The following ARHGAP39 variants were observed in gnomAD, a reference collection of about 807,000 sequenced individuals.
ARHGAP39 encodes rho GTPase-activating protein 39.
Under a neutral mutation model 106.9 loss-of-function variants are expected in ARHGAP39, and 44 were observed. The observed-to-expected ratio is 0.41, with a 90% confidence interval of 0.32 to 0.53. ARHGAP39 has a LOEUF of 0.53. Among genes scored for constraint, ARHGAP39 ranks in the 20% least tolerant of loss-of-function variants. The pLI is 0.21. For synonymous variants in ARHGAP39, 768 were observed against 693.2 expected (o/e 1.11, Z -1.69); for missense variants, 1,496 against 1,577.3 (o/e 0.95, Z 0.87).
chr8:144,661,106 C>A (rs1424357815), intron 1 of ARHGAP39, among the ~76,000 whole-genome samples: 1 of 152,174 alleles, frequency 6.6e-6, no homozygotes, highest in Non-Finnish European at 1.5e-5. Context: ...GCAGACGGCC[C>A]TCTCAGCACC....
intron 3 of ARHGAP39, among the ~76,000 whole-genome samples, chr8:144,573,278 T>TA (rs1422253477): frequency 6.6e-6 from 1 of 152,044 alleles, no homozygotes; most frequent in East Asian, 1.9e-4. Flanking sequence ...TATGCAGCCA[T>TA]AAAAAGGATG....
rs758539647 is a variant in ARHGAP39 at position 144,671,958 on chromosome 8, C to T, written c.-82+13728G>A. On this transcript the variant is annotated intron_variant, in intron 1 of 11. Transcript: ENST00000377307. This position sits in a 1 kb window ranked among gnomAD's most constrained non-coding sequence, Gnocchi z 4.5. ...CTGCCAGAGCAATGGAGACAGGCTC[C>T]GCCCAAGTGAGGCTCATCCTGGGCC... 1.6e-4 allele frequency among the ~76,000 whole-genome samples: 25 copies of T among 152,228 alleles called. No homozygotes were observed. Among genetic ancestry groups the T allele is most frequent in the Non-Finnish European group, 2.9e-4 (20 of 68,042 alleles).
At chr8:144,561,262 A>G (rs1818135850) in intron 3 of ARHGAP39, among the ~76,000 whole-genome samples, 1 of 133,936 alleles carries the variant, frequency 7.5e-6, no homozygotes, top group African/African-American at 4.0e-5. Context: ...TGTCCATCAG[A>G]CCCCAGTGGT....
chr8:144,542,811 C>A (rs1048507581), intron 6 of ARHGAP39, among the ~76,000 whole-genome samples: 1 of 151,948 alleles, frequency 6.6e-6, no homozygotes, highest in Non-Finnish European at 1.5e-5. Context: ...TGGTGGCGCG[C>A]ACCTGTGGTC....
intron 3 of ARHGAP39, among the ~76,000 whole-genome samples, chr8:144,556,223 T>G (rs1817912609): frequency 7.1e-6 from 1 of 140,890 alleles, no homozygotes; most frequent in Admixed American, 7.8e-5. Flanking sequence ...AGGCGGAGCG[T>G]GCAGTGAGCC....
chr8:144,602,122 T>C (rs571862152), intron 2 of ARHGAP39, among the ~76,000 whole-genome samples: 2 of 140,230 alleles, frequency 1.4e-5, no homozygotes, highest in Admixed American at 1.4e-4. Flanking sequence ...TGCATGTGCA[T>C]GGAGGTGTGT....
upstream of ARHGAP39, among the ~76,000 whole-genome samples, chr8:144,690,480 T>C (rs916223512): frequency 6.6e-6 from 1 of 151,946 alleles, no homozygotes; most frequent in African/African-American, 2.4e-5. Flanking sequence ...TGTTAATTTC[T>C]GTTTTTTTTT....
intron 4 of ARHGAP39, among the ~76,000 whole-genome samples, chr8:144,552,783 C>T (rs1370962794): frequency 1.3e-5 from 2 of 152,006 alleles, no homozygotes; most frequent in East Asian, 3.8e-4. Context: ...AGCTCCCTGG[C>T]TTTTGTTTAT....
rs954274267 is a variant in ARHGAP39, at chr8:144,684,186, C to A, written c.-82+1500G>T. On this transcript the variant is annotated intron_variant, in intron 1 of 11. Coordinates refer to ENST00000377307, the MANE Select transcript of ARHGAP39 (RefSeq NM_025251.3). The surrounding 1 kb of genome is among the most constrained non-coding windows in gnomAD (Gnocchi z 4.4). ...GCTACACCAAGTGCAGGGAGCGAGG[C>A]GCCACCCCCATTCATTCACTCCAAG... 6.6e-6 allele frequency among the ~76,000 whole-genome samples: 1 copy of A among 152,220 alleles called. No homozygotes were observed. Among genetic ancestry groups the A allele is most frequent in the Non-Finnish European group, 1.5e-5 (1 of 68,038 alleles).
At chr8:144,603,671 C>T (rs1586606071) in intron 2 of ARHGAP39, among the ~76,000 whole-genome samples, 1 of 121,004 alleles carries the variant, frequency 8.3e-6, no homozygotes, top group African/African-American at 3.3e-5. Flanking sequence ...GCCTGGGCGA[C>T]AAAGCGAGAC....
chr8:144,621,810 GA>G lies in ARHGAP39; in HGVS notation c.-81-16116del, dbSNP rs149266430. ...TCTGCAGCCTGGGCGACAGGAGTGA[GA>G]CCCTGTCTCAGAAATAAAATAAAAC... is the stretch of plus-strand genomic sequence containing the variant. On this transcript the variant is annotated intron_variant, in intron 1 of 11. Transcript: ENST00000377307. 1.3e-3 allele frequency among the ~76,000 whole-genome samples: 202 copies of G among 152,272 alleles called. 4 individuals carry two copies. The East Asian group carries it at 0.033, about 25-fold the overall frequency.
intron 3 of ARHGAP39, among the ~76,000 whole-genome samples, chr8:144,578,886 C>T (rs936660736): frequency 2.0e-5 from 3 of 151,270 alleles, no homozygotes; most frequent in East Asian, 2.0e-4. Context: ...CAACAAAAAC[C>T]TTTGTTTTTC....
Position 144,530,562 on chromosome 8 carries a change from C to G in ARHGAP39, c.3205G>C (p.Ala1069Pro). 1 of 1,611,914 alleles carries G rather than the reference C, an allele frequency of 6.2e-7. No individual in the cohort carries two copies. The highest frequency in any genetic ancestry group is 1.1e-5 in the South Asian group (1 of 90,950). The change falls in exon 12 of 12, where the codon GCC becomes CCC. Residue 1069 changes from alanine (A) to proline (P), a missense_variant. By Grantham distance (27) the Ala-to-Pro change is conservative. Around this residue, in one of 4 missense-constraint regions of ARHGAP39, gnomAD observed 470 missense variants for 605.1 expected, o/e 0.78. Transcript: ENST00000377307. ...AVTKMDVSNL[A>P]MVMAPNCLRC... ...AAGCAGTTGGGCGCCATCACCATGG[C>G]CAGGTTGCTGACATCCATCTTGGTG...
In ARHGAP39 at chr8:144,545,643, G is replaced by C. The variant is rs200159632; in HGVS notation, c.2127C>G (p.Leu709=). ...TGGCGATGGACACCTTCCGCCGGAA[G>C]AGGCCCTGCGTGTGCTTGTTGAAGT... is the stretch of plus-strand genomic sequence containing the variant. ...SKHFNKHTQG[L]FRRKVSIANM... The change falls in exon 6 of 12, where the codon CTC becomes CTG. Residue 709 remains leucine, a synonymous_variant. Coordinates refer to ENST00000377307, the MANE Select transcript of ARHGAP39 (RefSeq NM_025251.3). The C allele has an allele frequency of 3.2e-5, 52 of 1,613,698 alleles. 1 individual carries two copies. The East Asian group carries it at 1.2e-3, about 36-fold the overall frequency.
intron 1 of ARHGAP39, among the ~76,000 whole-genome samples, chr8:144,615,422 C>T (rs567093617): frequency 2.8e-4 from 43 of 152,246 alleles, no homozygotes; most frequent in Non-Finnish European, 3.4e-4. Context: ...CTCAGCTCCC[C>T]GAGACACAAC....
intron 1 of ARHGAP39, among the ~76,000 whole-genome samples, chr8:144,632,057 T>A (rs1821075196): frequency 6.6e-6 from 1 of 152,174 alleles, no homozygotes; most frequent in Admixed American, 6.5e-5. Context: ...CCCTCCTGGG[T>A]CTGCCAGGAC....
chr8:144,612,979 G>C (rs117780522), intron 1 of ARHGAP39, among the ~76,000 whole-genome samples: 1 of 152,252 alleles, frequency 6.6e-6, no homozygotes, highest in Non-Finnish European at 1.5e-5. Flanking sequence ...TTTGGATTAA[G>C]TATTTTATGT....
At chr8:144,621,509 G>A (rs1341479825) in intron 1 of ARHGAP39, among the ~76,000 whole-genome samples, 1 of 152,230 alleles carries the variant, frequency 6.6e-6, no homozygotes, top group Non-Finnish European at 1.5e-5. Flanking sequence ...TGGGGGGCAG[G>A]GCCTGGCAGG....
rs78641110 is a variant in ARHGAP39 at position 144,605,243 on chromosome 8, C to T, written c.80+292G>A. On this transcript the variant is annotated intron_variant, in intron 2 of 11. Coordinates refer to ENST00000377307, the MANE Select transcript of ARHGAP39 (RefSeq NM_025251.3). ...GCCACTGCACTGCAGCCTGGACAAC[C>T]GAGTGAGACCCTGTCTCCTCAAGAA... 3.0e-4 allele frequency among the ~76,000 whole-genome samples: 46 copies of T among 152,202 alleles called. No individual in the cohort carries two copies. In the East Asian group the frequency reaches 7.9e-3, roughly 26 times the overall value.
Sources: gnomAD v4.1 joint callset for allele counts (sites outside exome capture counted in the v4.1 genomes callset) on GRCh38, gnomAD v4.1.1 for gene constraint, gnomAD v4.1.1 regional missense constraint, Gnocchi (gnomAD v3.1) non-coding constraint, MANE v1.5 for transcripts, NCBI Gene and HGNC (gene_info 2026-07-23, HGNC 2026-07-21) for gene names.